Variants in EBF2 observed in about 807,000 individuals in gnomAD.
The protein encoded by EBF2 is transcription factor COE2.
In EBF2, 21 loss-of-function variants were observed where a neutral mutation model predicts 72.8. That is an observed-to-expected ratio of 0.29 (90% CI 0.20 to 0.42). The LOEUF (loss-of-function observed/expected upper bound fraction) is 0.42. EBF2 is among the 10% of genes least tolerant of loss of function. The pLI, the probability that EBF2 is intolerant of heterozygous loss-of-function variation, is 1.00. For missense variants in EBF2, 637 were observed against 731.2 expected, an observed-to-expected ratio of 0.87 and a Z score of 1.49; for synonymous variants, 299 against 274.2, an observed-to-expected ratio of 1.09 and a Z score of -0.89.
chr8:25,876,672 G>A (rs188624166), intron 10 of EBF2, among the ~76,000 whole-genome samples: 61 of 152,274 alleles, frequency 4.0e-4, no homozygotes, highest in African/African-American at 1.2e-3. Context: ...CCTTGGTATC[G>A]TGTTTTGTAA....
At chr8:25,898,085 G>A (rs1410526934) in intron 7 of EBF2, among the ~76,000 whole-genome samples, 2 of 152,174 alleles carry the variant, frequency 1.3e-5, no homozygotes, top group Non-Finnish European at 2.9e-5. Flanking sequence ...GGTGGACAAA[G>A]CATAGCAAAC....
chr8:26,019,309 AG>A (rs1805167536), intron 6 of EBF2, among the ~76,000 whole-genome samples: 1 of 151,800 alleles, frequency 6.6e-6, no homozygotes, highest in East Asian at 1.9e-4. Flanking sequence ...AAAAAAAAAA[AG>A]GTTGGCTTTG....
At chr8:25,890,317 T>C (rs1479370434) in intron 7 of EBF2, among the ~76,000 whole-genome samples, 3 of 152,194 alleles carry the variant, frequency 2.0e-5, no homozygotes, top group Admixed American at 2.0e-4. Context: ...ATGCCCAGCA[T>C]TGGGATGCTG....
intron 4 of EBF2, among the ~76,000 whole-genome samples, 173 bp downstream of exon 4, chr8:26,040,443 A>G (rs1387039783): frequency 7.7e-6 from 1 of 129,598 alleles, no homozygotes; most frequent in Non-Finnish European, 1.6e-5. Context: ...GACAGGGAAG[A>G]AAAAAAAAAA....
chr8:25,900,324 T>G (rs1212430083), intron 7 of EBF2, among the ~76,000 whole-genome samples: 1 of 152,092 alleles, frequency 6.6e-6, no homozygotes, highest in Non-Finnish European at 1.5e-5. Context: ...GTTTTTTGTG[T>G]TGCATGCACC....
chr8:25,979,515 G>A (rs1435112596), intron 6 of EBF2, among the ~76,000 whole-genome samples: 1 of 152,330 alleles, frequency 6.6e-6, no homozygotes, highest in African/African-American at 2.4e-5. Context: ...ACTCTGAAAG[G>A]CCCCACAGGC....
At chr8:25,981,568 G>A (rs1483266288) in intron 6 of EBF2, among the ~76,000 whole-genome samples, 1 of 152,134 alleles carries the variant, frequency 6.6e-6, no homozygotes. Context: ...GGGAAACCGA[G>A]GTGGATCACC....
chr8:25,978,225 G>T (rs1258022260), intron 6 of EBF2, among the ~76,000 whole-genome samples: 1 of 152,198 alleles, frequency 6.6e-6, no homozygotes, highest in African/African-American at 2.4e-5. Context: ...AAATGGAGAG[G>T]ATTAAAAAGC....
chr8:25,933,003 A>G (rs1803510602), intron 6 of EBF2, among the ~76,000 whole-genome samples: 4 of 152,178 alleles, frequency 2.6e-5, no homozygotes, highest in Non-Finnish European at 5.9e-5. Context: ...GTGAAGGCAA[A>G]CTGTGCTTAA....
chr8:25,917,933 C>G (rs1451470838), intron 6 of EBF2, among the ~76,000 whole-genome samples: 1 of 152,120 alleles, frequency 6.6e-6, no homozygotes, highest in African/African-American at 2.4e-5. Flanking sequence ...ATTCATAACT[C>G]GGTAATAACT....
At chr8:25,919,162 A>G (rs1803270345) in intron 6 of EBF2, among the ~76,000 whole-genome samples, 1 of 152,186 alleles carries the variant, frequency 6.6e-6, no homozygotes, top group African/African-American at 2.4e-5. Context: ...TGTGAAAACT[A>G]TAGAGTTTTC....
Position 25,897,782 on chromosome 8 carries a change from T to C in EBF2, c.634-7913A>G, listed in dbSNP as rs562003134. ...CACCATTGATGAGCATCTAGGTTGA[T>C]TCCATGTCTTTGTTATTGTGAATAA... is the stretch of plus-strand genomic sequence containing the variant. On this transcript the variant is annotated intron_variant, in intron 7 of 15. Coordinates refer to ENST00000520164, the MANE Select transcript of EBF2 (RefSeq NM_022659.4). Among the ~76,000 whole-genome samples the C allele has an allele frequency of 2.1e-4, 32 of 152,344 alleles. No individual in the cohort carries two copies. In the East Asian group the frequency reaches 6.0e-3, roughly 28 times the overall value.
At chr8:25,941,224 G>A (rs548204862) in intron 6 of EBF2, among the ~76,000 whole-genome samples, 11 of 101,088 alleles carry the variant, frequency 1.1e-4, no homozygotes, top group African/African-American at 3.9e-4. Flanking sequence ...TTTTTTTTTC[G>A]AGACAGGGTC....
At chr8:25,975,648 TAA>T (rs1804257210) in intron 6 of EBF2, among the ~76,000 whole-genome samples, 1 of 152,198 alleles carries the variant, frequency 6.6e-6, no homozygotes, top group Non-Finnish European at 1.5e-5. Context: ...AACAAGATTC[TAA>T]GAGTCTTTCA....
intron 6 of EBF2, among the ~76,000 whole-genome samples, chr8:25,935,387 G>C (rs1365999954): frequency 6.6e-6 from 1 of 152,154 alleles, no homozygotes; most frequent in Non-Finnish European, 1.5e-5. Context: ...TTTACACTGG[G>C]AATTCCTCCA....
At chr8:25,934,226 C>T (rs1803535062) in intron 6 of EBF2, among the ~76,000 whole-genome samples, 1 of 1,314 alleles carries the variant, frequency 7.6e-4, no homozygotes, top group African/African-American at 4.0e-3. Context: ...CATGTGCATA[C>T]ACACACACAC....
At chr8:25,911,111 T>C (rs1803121989) in intron 6 of EBF2, among the ~76,000 whole-genome samples, 3 of 152,202 alleles carry the variant, frequency 2.0e-5, no homozygotes, top group South Asian at 2.1e-4. Flanking sequence ...ACCATCCATT[T>C]AGCCACGGGG....
intron 7 of EBF2, among the ~76,000 whole-genome samples, chr8:25,899,893 A>T (rs1255856633): frequency 6.6e-6 from 1 of 152,132 alleles, no homozygotes; most frequent in Non-Finnish European, 1.5e-5. Context: ...ACGGGGCCTC[A>T]CTTCCTTTCT....
Position 25,983,791 on chromosome 8 carries a change from C to T in EBF2, c.551+49294G>A, listed in dbSNP as rs188205933. Among the ~76,000 whole-genome samples the T allele has an allele frequency of 1.8e-4, 28 of 152,342 alleles. No individual in the cohort carries two copies. In the East Asian group the frequency reaches 5.4e-3, roughly 29 times the overall value. On this transcript the variant is annotated intron_variant, in intron 6 of 15. Transcript: ENST00000520164. ...CGGTGCATATGGATCAGCTGACACC[C>T]GAGTGCTGAAGACATAACAAAGGAC... is the stretch of plus-strand genomic sequence containing the variant.
Sources: gnomAD v4.1 joint callset for allele counts (sites outside exome capture counted in the v4.1 genomes callset) on GRCh38, gnomAD v4.1.1 for gene constraint, MANE v1.5 for transcripts, NCBI Gene and HGNC (gene_info 2026-07-23, HGNC 2026-07-21) for gene names.